TMEM132D: variants seen among roughly 807,000 people sequenced by gnomAD.
TMEM132D encodes mature OL transmembrane protein.
A neutral mutation model predicts 62.3 loss-of-function variants in TMEM132D; 21 were observed. The observed-to-expected ratio is 0.34, with a 90% CI of 0.24 to 0.49. TMEM132D has a LOEUF of 0.49. TMEM132D is among the 20% of genes least tolerant of loss of function. The pLI is 0.99. For missense variants in TMEM132D, 1,346 were observed against 1,402.8 expected (o/e 0.96, Z 0.65); for synonymous variants, 621 against 575.6 (o/e 1.08, Z -1.13).
At chr12:129,851,027 G>T (rs758639131) in intron 1 of TMEM132D, among the ~76,000 whole-genome samples, 10 of 152,190 alleles carry the variant, frequency 6.6e-5, no homozygotes, top group Non-Finnish European at 1.5e-4. Flanking sequence ...AGGTGAAACT[G>T]AGGTCAATAT....
intron 3 of TMEM132D, among the ~76,000 whole-genome samples, chr12:129,441,979 T>G (rs971635979): frequency 1.3e-5 from 2 of 152,114 alleles, no homozygotes; most frequent in African/African-American, 4.8e-5. Flanking sequence ...TGGAGGCTAC[T>G]AGAAGCAAGA....
chr12:129,824,726 A>G (rs560332733), intron 1 of TMEM132D, among the ~76,000 whole-genome samples: 1 of 152,334 alleles, frequency 6.6e-6, no homozygotes, highest in Admixed American at 6.5e-5. Flanking sequence ...AGACCATGAG[A>G]AATAAATGTC....
chr12:129,095,136 A>C (rs900499482), intron 5 of TMEM132D, among the ~76,000 whole-genome samples: 1 of 152,098 alleles, frequency 6.6e-6, no homozygotes, highest in Non-Finnish European at 1.5e-5. Flanking sequence ...TACATATGTA[A>C]CTAACCTGCA....
intron 1 of TMEM132D, among the ~76,000 whole-genome samples, chr12:129,889,480 G>C (rs1874853769): frequency 6.6e-6 from 1 of 152,036 alleles, no homozygotes; most frequent in East Asian, 1.9e-4. Flanking sequence ...TGAGACACCG[G>C]CATTACCTGT....
At chr12:129,687,986 C>T (rs142361490) in intron 2 of TMEM132D, among the ~76,000 whole-genome samples, 8 of 152,292 alleles carry the variant, frequency 5.3e-5, no homozygotes, top group African/African-American at 1.9e-4. Context: ...CTAAGAGGAT[C>T]AGAGCACTCA....
At position 129,160,959 on chromosome 12, in the gene TMEM132D, T is replaced by A. The variant is rs144953687; in HGVS notation, c.1443+48561A>T. Among the ~76,000 whole-genome samples the A allele has an allele frequency of 7.4e-3, 1,121 of 152,332 alleles. 21 individuals carry two copies. Among genetic ancestry groups the A allele is most frequent in the African/African-American group, 0.026 (1,086 of 41,578 alleles). ...TGAACTGAGTTGAGATGCGGTTGCA[T>A]CACTCTCTGCAGAAAAATTCATCCA... On this transcript the variant is annotated intron_variant, in intron 5 of 8. Transcript: ENST00000422113.
Position 129,356,206 on chromosome 12 carries a change from G to T in TMEM132D, c.1116-18389C>A, listed in dbSNP as rs1870042629. ...GAGTCTCGCTCTGTCGCCCAGGCTG[G>T]AGTGCAGTGGCGGGATCTCGGCTCA... On this transcript the variant is annotated intron_variant, in intron 3 of 8. Coordinates refer to ENST00000422113, the MANE Select transcript of TMEM132D (RefSeq NM_133448.3). Among the ~76,000 whole-genome samples, 2 of 20,688 alleles carry T rather than the reference G, an allele frequency of 9.7e-5. 1 individual carries two copies. The highest frequency in any genetic ancestry group is 2.4e-3 in the South Asian group (2 of 850). The allele number at this position is 20,688 out of a possible 152,430, so 13.6% of individuals were successfully genotyped here. A position where few individuals can be genotyped will look rare whatever the true frequency, so the allele number is the denominator to read the frequency against.
intron 3 of TMEM132D, among the ~76,000 whole-genome samples, chr12:129,343,570 T>TATAATAATAATAAAATTAAAAAATAA (rs1869579787): frequency 6.6e-6 from 1 of 151,870 alleles, no homozygotes; most frequent in Non-Finnish European, 1.5e-5. Flanking sequence ...AAACTTAAAG[T>TATAATAATAATAAAATTAAAAAATAA]ATAATAATAA....
At chr12:129,206,366 A>G (rs982802281) in intron 5 of TMEM132D, among the ~76,000 whole-genome samples, 3 of 152,206 alleles carry the variant, frequency 2.0e-5, no homozygotes, top group Non-Finnish European at 4.4e-5. Context: ...TAACATCACT[A>G]ATCATTTGAG....
At chr12:129,527,904 G>A (rs1876095391) in intron 3 of TMEM132D, among the ~76,000 whole-genome samples, 1 of 152,184 alleles carries the variant, frequency 6.6e-6, no homozygotes, top group African/African-American at 2.4e-5. Context: ...ACTTAGATAA[G>A]AGATCTTCGC....
At chr12:129,482,726 AG>A (rs1874463921) in intron 3 of TMEM132D, among the ~76,000 whole-genome samples, 1 of 152,194 alleles carries the variant, frequency 6.6e-6, no homozygotes, top group Admixed American at 6.5e-5. Flanking sequence ...AATACATTTG[AG>A]GGTACTTGCA....
At chr12:129,162,710 G>A (rs1041414368) in intron 5 of TMEM132D, among the ~76,000 whole-genome samples, 3 of 152,122 alleles carry the variant, frequency 2.0e-5, no homozygotes, top group African/African-American at 7.2e-5. Context: ...CAAATGATGT[G>A]CCATCTCCCC....
chr12:129,693,660 C>T (rs1432773362), intron 2 of TMEM132D, among the ~76,000 whole-genome samples: 1 of 152,134 alleles, frequency 6.6e-6, no homozygotes, highest in African/African-American at 2.4e-5. Context: ...AATAAACCTC[C>T]CCATTAGCAC....
chr12:129,826,319 C>T (rs1872663405), intron 1 of TMEM132D, among the ~76,000 whole-genome samples: 1 of 152,154 alleles, frequency 6.6e-6, no homozygotes, highest in African/African-American at 2.4e-5. Context: ...AGTACATCTT[C>T]TTTGGGTTAA....
At chr12:129,829,007 A>C (rs1872750023) in intron 1 of TMEM132D, among the ~76,000 whole-genome samples, 1 of 151,842 alleles carries the variant, frequency 6.6e-6, no homozygotes, top group Admixed American at 6.6e-5. Context: ...GCCAGTGTGA[A>C]TCTCCAACAC....
At chr12:129,328,765 G>T (rs1309306215) in intron 4 of TMEM132D, among the ~76,000 whole-genome samples, 1 of 152,030 alleles carries the variant, frequency 6.6e-6, no homozygotes, top group Non-Finnish European at 1.5e-5. Flanking sequence ...CCTACGCTCT[G>T]TTTCCCGTGT....
intron 5 of TMEM132D, among the ~76,000 whole-genome samples, chr12:129,118,236 G>C (rs1439629107): frequency 6.6e-6 from 1 of 152,184 alleles, no homozygotes; most frequent in Non-Finnish European, 1.5e-5. Flanking sequence ...GACAATGATA[G>C]TTAGATAAAT....
chr12:129,813,228 T>C (rs1374973299), intron 1 of TMEM132D, among the ~76,000 whole-genome samples: 1 of 151,818 alleles, frequency 6.6e-6, no homozygotes, highest in Non-Finnish European at 1.5e-5. Flanking sequence ...TGTCCTCATC[T>C]TGTTGGTGGA....
intron 4 of TMEM132D, among the ~76,000 whole-genome samples, chr12:129,214,267 T>TG (rs542801112): frequency 5.5e-4 from 84 of 151,946 alleles, no homozygotes; most frequent in African/African-American, 1.9e-3. Flanking sequence ...TTAGAGTGCT[T>TG]TTTATTTTGA....
Sources: allele counts gnomAD v4.1 joint callset (sites outside exome capture counted in the v4.1 genomes callset), GRCh38; gene constraint gnomAD v4.1.1; transcripts MANE v1.5; gene names NCBI Gene and HGNC (gene_info 2026-07-23, HGNC 2026-07-21).